The following SCARA3 variants were observed in gnomAD, a reference collection of about 807,000 sequenced individuals.
The protein encoded by SCARA3 is scavenger receptor class A member 3.
A neutral mutation model predicts 47.0 loss-of-function variants in SCARA3; 39 were observed. That is an observed-to-expected ratio of 0.83 (90% CI 0.64 to 1.08). The LOEUF is 1.08. SCARA3 is among the 50% of genes least tolerant of loss of function. The pLI is 0.00. For missense variants in SCARA3, 724 were observed against 792.3 expected, an observed-to-expected ratio of 0.91 and a Z score of 1.04; for synonymous variants, 356 against 334.1, an observed-to-expected ratio of 1.07 and a Z score of -0.71.
At chr8:27,719,143 C>A in the SCARA3 span, among the ~76,000 whole-genome samples, 4,995 of 152,094 alleles carry the variant, frequency 0.033, 97 homozygotes, top group African/African-American at 0.049. Flanking sequence ...GAGAAGGTGG[C>A]AGAATGAAGA....
At position 27,671,248 on chromosome 8, in the gene SCARA3, C is replaced by A. The variant is rs78404930; in HGVS notation, c.1718C>A (p.Pro573Gln). ...GGAATTGCAGGGAAGACAGGGTCAC[C>A]AGGCCAGCGGGGGGCCATGGGGCCT... ...KPGIAGKTGSPGQRGAMGPKG... is the reference protein window; with the variant it reads ...KPGIAGKTGSQGQRGAMGPKG... The change falls in exon 6 of 6, where the codon CCA (proline) becomes CAA (glutamine). Residue 573 changes from proline to glutamine, a missense_variant. Physicochemically the swap from Pro to Gln is moderately conservative, Grantham distance 76. Transcript: ENST00000301904. 5.8e-4 allele frequency: 867 copies of A among 1,494,862 alleles called. 10 individuals carry two copies. The East Asian group carries it at 0.02, about 35-fold the overall frequency. The allele number at this position is 1,494,862 out of a possible 1,614,324, so 92.6% of individuals were successfully genotyped here.
In SCARA3 at chr8:27,658,887, G is replaced by A; in HGVS notation, c.717G>A (p.Arg239=). 1 of 1,614,168 alleles carries A rather than the reference G, an allele frequency of 6.2e-7. No individual in the cohort carries two copies. Among genetic ancestry groups the A allele is most frequent in the Non-Finnish European group, 8.5e-7 (1 of 1,180,032 alleles). ...CCGAGTGGATCCACGGGATCCAGCG[G>A]AAGACAGACGAGGAGACCCTGACCC... ...QTSEWIHGIQ[R]KTDEETLTLQ... is the part of the protein sequence containing the mutation. Residue 239 remains arginine, a synonymous_variant, in exon 5 of 6, where the codon CGG becomes CGA. Coordinates refer to ENST00000301904, the MANE Select transcript of SCARA3 (RefSeq NM_016240.3).
chr8:27,646,314 T>C (rs1801491969), intron 1 of SCARA3, among the ~76,000 whole-genome samples: 1 of 152,232 alleles, frequency 6.6e-6, no homozygotes, highest in South Asian at 2.1e-4. Flanking sequence ...CGTTAGCAAT[T>C]TCCACTGGCT....
chr8:27,726,434 C>T, the SCARA3 span, among the ~76,000 whole-genome samples: 1 of 152,034 alleles, frequency 6.6e-6, no homozygotes, highest in Non-Finnish European at 1.5e-5. Flanking sequence ...CGCAGTGGCT[C>T]ATGCCTGTGA....
In SCARA3 at chr8:27,672,696, CAGAG is replaced by C; in HGVS notation, c.*1348_*1351del. 1.0e-6 allele frequency: 1 copy of C among 985,724 alleles called. No individual in the cohort carries two copies. Among genetic ancestry groups the C allele is most frequent in the Non-Finnish European group, 1.2e-6 (1 of 830,158 alleles). The allele number at this position is 985,724 out of a possible 1,614,324, so 61.1% of individuals were successfully genotyped here. A position where few individuals can be genotyped will look rare whatever the true frequency, so the allele number is the denominator to read the frequency against. ...CCCACCAACTTCCTGCACACACTGG[CAGAG>C]AGGGGCGCTGGGAAATCACCCCACA... On this transcript the variant is annotated 3_prime_UTR_variant, in exon 6 of 6. Transcript: ENST00000301904.
chr8:27,727,654 A>G, the SCARA3 span, among the ~76,000 whole-genome samples: 4 of 152,260 alleles, frequency 2.6e-5, no homozygotes, highest in African/African-American at 9.6e-5. Flanking sequence ...GACAATGGAC[A>G]GCCCACAGAC....
chr8:27,731,664 A>AG, the SCARA3 span, among the ~76,000 whole-genome samples: 1 of 140,094 alleles, frequency 7.1e-6, no homozygotes, highest in Non-Finnish European at 1.6e-5. Flanking sequence ...AAAAAAAAAA[A>AG]TGCTGTTTGG....
At chr8:27,673,831 C>T (rs1452387634), downstream of SCARA3, among the ~76,000 whole-genome samples, 1 of 152,182 alleles carries the variant, frequency 6.6e-6, no homozygotes, top group Non-Finnish European at 1.5e-5. Flanking sequence ...GCCAGCACAC[C>T]AGCCCCTGCA....
the SCARA3 span, chr8:27,697,100 G>A: frequency 6.3e-6 from 1 of 157,856 alleles, no homozygotes; most frequent in Non-Finnish European, 1.4e-5. Context: ...CCCTGAGATA[G>A]CCATCAGAGG....
At chr8:27,636,076 G>A (rs1462143052) in intron 1 of SCARA3, among the ~76,000 whole-genome samples, 1 of 152,226 alleles carries the variant, frequency 6.6e-6, no homozygotes, top group Non-Finnish European at 1.5e-5. Flanking sequence ...GGCAGGCAGT[G>A]AGGGGAGCCT....
intron 5 of SCARA3, among the ~76,000 whole-genome samples, chr8:27,664,095 G>A (rs974616198): frequency 7.2e-5 from 11 of 152,210 alleles, no homozygotes; most frequent in African/African-American, 2.7e-4. Flanking sequence ...TTTCACTGAG[G>A]TGGAAGGCTC....
intron 3 of SCARA3, 123 bp downstream of exon 3, chr8:27,651,750 T>A (rs1454234507): frequency 6.8e-6 from 9 of 1,316,296 alleles, no homozygotes; most frequent in African/African-American, 1.5e-5. Context: ...AGCCAGCATC[T>A]TCCTGGCTAG....
chr8:27,707,637 G>C, the SCARA3 span, among the ~76,000 whole-genome samples: 5 of 151,868 alleles, frequency 3.3e-5, no homozygotes, highest in Non-Finnish European at 7.4e-5. Context: ...CAGAAAGAGA[G>C]AGAGAAAATG....
chr8:27,730,649 T>A, the SCARA3 span, among the ~76,000 whole-genome samples: 1 of 151,956 alleles, frequency 6.6e-6, no homozygotes, highest in Non-Finnish European at 1.5e-5. Context: ...CAACCTGGAC[T>A]TTTTTTATTG....
chr8:27,661,731 C>T (rs907814951), intron 5 of SCARA3, among the ~76,000 whole-genome samples: 3 of 152,302 alleles, frequency 2.0e-5, no homozygotes, highest in Admixed American at 1.3e-4. Context: ...CTTCAGCAGG[C>T]CCCTCATCTG....
At chr8:27,706,708 A>G in the SCARA3 span, among the ~76,000 whole-genome samples, 1 of 152,100 alleles carries the variant, frequency 6.6e-6, no homozygotes, top group South Asian at 2.1e-4. Context: ...TTGGAGAGGG[A>G]GAATGGATGA....
the SCARA3 span, among the ~76,000 whole-genome samples, chr8:27,720,899 A>G: frequency 6.6e-6 from 1 of 150,862 alleles, no homozygotes; most frequent in African/African-American, 2.4e-5. Flanking sequence ...CAGTCATCCA[A>G]CCATTCATCC....
the SCARA3 span, among the ~76,000 whole-genome samples, chr8:27,686,283 A>C: frequency 2.0e-5 from 3 of 152,018 alleles, no homozygotes; most frequent in Non-Finnish European, 4.4e-5. Context: ...TCTACAAAAA[A>C]GGAAAAAATT....
the SCARA3 span, among the ~76,000 whole-genome samples, chr8:27,691,579 C>T: frequency 6.6e-6 from 1 of 152,146 alleles, no homozygotes; most frequent in African/African-American, 2.4e-5. Flanking sequence ...GTCCCTCCGT[C>T]TGCTGCATTA....
Sources: gnomAD v4.1 joint callset for allele counts (sites outside exome capture counted in the v4.1 genomes callset) on GRCh38, gnomAD v4.1.1 for gene constraint, MANE v1.5 for transcripts, NCBI Gene and HGNC (gene_info 2026-07-23, HGNC 2026-07-21) for gene names.